The following SORL1 variants were observed in gnomAD, a reference collection of about 807,000 sequenced individuals.
SORL1 encodes sortilin related receptor 1.
Under a neutral mutation model 273.7 loss-of-function variants are expected in SORL1, and 127 were observed. The ratio of observed to expected loss-of-function variants is 0.46; its 90% CI spans 0.40 to 0.54. SORL1 has a LOEUF of 0.54. SORL1 is among the 20% of genes least tolerant of loss of function. SORL1 has a pLI of 0.00. For missense variants in SORL1, 2,494 were observed against 2,846.1 expected, an observed-to-expected ratio of 0.88 and a Z score of 2.81; for synonymous variants, 1,031 against 1,067.4, an observed-to-expected ratio of 0.97 and a Z score of 0.66.
At chr11:121,574,406 G>A (rs1225395061) in intron 24 of SORL1, 43 bp downstream of exon 24, 1 of 1,598,726 alleles carries the variant, frequency 6.3e-7, no homozygotes, top group Non-Finnish European at 8.6e-7. Flanking sequence ...TGGAGAGGGG[G>A]GTCATTGTGC....
chr11:121,540,769 T>G, intron 12 of SORL1, among the ~76,000 whole-genome samples: 1 of 152,232 alleles, frequency 6.6e-6, no homozygotes, highest in South Asian at 2.1e-4. Context: ...ATTTCATTAA[T>G]GAGTTATTGT....
At chr11:121,470,257 T>C (rs1861148169) in intron 2 of SORL1, 134 bp downstream of exon 2, 1 of 726,540 alleles carries the variant, frequency 1.4e-6, no homozygotes, top group Non-Finnish European at 2.5e-6. Flanking sequence ...ACAGGGAAGA[T>C]AATCTAGAAA....
chr11:121,489,260 C>A (rs192452137), intron 4 of SORL1, among the ~76,000 whole-genome samples: 104 of 152,228 alleles, frequency 6.8e-4, no homozygotes, highest in Non-Finnish European at 1.0e-3. Flanking sequence ...GCTGTTTTGA[C>A]CCTTTTAAGC....
intron 14 of SORL1, among the ~76,000 whole-genome samples, chr11:121,547,449 C>T (rs1398524105): frequency 3.9e-5 from 2 of 51,556 alleles, no homozygotes; most frequent in African/African-American, 1.8e-4. Context: ...AAAAAAATCA[C>T]ACACACAAGA....
intron 23 of SORL1, among the ~76,000 whole-genome samples, chr11:121,571,899 A>G (rs1197719778): frequency 6.6e-6 from 1 of 152,240 alleles, no homozygotes; most frequent in Non-Finnish European, 1.5e-5. Context: ...AAGGCCTATA[A>G]AGCCTCCTTT....
chr11:121,473,653 G>A (rs1373155207), intron 2 of SORL1, among the ~76,000 whole-genome samples: 1 of 152,294 alleles, frequency 6.6e-6, no homozygotes, highest in South Asian at 2.1e-4. Flanking sequence ...CTAGCACTTC[G>A]GAAGGCCGAG....
intron 5 of SORL1, among the ~76,000 whole-genome samples, chr11:121,492,915 G>A (rs777797178): frequency 1.3e-4 from 20 of 149,788 alleles, no homozygotes; most frequent in Admixed American, 2.7e-4. Context: ...GCAATTCTCT[G>A]CCTCAGCCTC....
intron 38 of SORL1, 108 bp downstream of exon 38, chr11:121,608,284 C>T: frequency 1.1e-6 from 1 of 917,596 alleles, no homozygotes; most frequent in Non-Finnish European, 1.7e-6. Context: ...AAAAACATCA[C>T]ACAACTTTCT....
intron 12 of SORL1, among the ~76,000 whole-genome samples, chr11:121,534,353 C>T (rs962575644): frequency 6.6e-6 from 1 of 152,178 alleles, no homozygotes; most frequent in Non-Finnish European, 1.5e-5. Flanking sequence ...GGGAACGCAG[C>T]GTCATTCTGC....
At chr11:121,607,324 A>G (rs749734496) in intron 37 of SORL1, 34 bp downstream of exon 37, 11 of 1,282,528 alleles carry the variant, frequency 8.6e-6, no homozygotes, top group African/African-American at 4.4e-5. Context: ...CCATCCATGC[A>G]GTCTTAGAAC....
At position 121,520,714 on chromosome 11, in the gene SORL1, C is replaced by A; in HGVS notation, c.1269C>A (p.Val423=). 1 of 1,608,160 alleles carries A rather than the reference C, an allele frequency of 6.2e-7. No homozygotes were observed. The highest frequency in any genetic ancestry group is 1.1e-5 in the South Asian group (1 of 89,654). ...ACCGAGTGGAAGGATTGCAAGGAGT[C>A]TACATTGCTACTCTGATTAATGGTT... ...DFHRVEGLQG[V]YIATLINGSM... Residue 423 remains valine (V), a synonymous_variant, in exon 9 of 48, where the codon GTC becomes GTA. Transcript: ENST00000260197.
intron 21 of SORL1, among the ~76,000 whole-genome samples, chr11:121,564,187 G>A (rs757903282): frequency 1.3e-5 from 2 of 152,178 alleles, no homozygotes; most frequent in Non-Finnish European, 2.9e-5. Context: ...TGTGGCTGTG[G>A]TAGAACTGCC....
chr11:121,591,023 G>T lies in SORL1; in HGVS notation c.4236G>T (p.Ser1412=), dbSNP rs769710239. 1 of 1,614,046 alleles carries T rather than the reference G, an allele frequency of 6.2e-7. No homozygotes were observed. Among genetic ancestry groups the T allele is most frequent in the Non-Finnish European group, 8.5e-7 (1 of 1,180,032 alleles). Residue 1412 remains serine, a synonymous_variant, in exon 31 of 48, where the codon TCG becomes TCT. Coordinates refer to ENST00000260197, the MANE Select transcript of SORL1 (RefSeq NM_003105.6). Reference sequence around the variant, plus strand: ...CAGATTCACATATTCTTCCCTTCTCGACTCCTGGGCCCTCCACGTGTCTGC... The same window carrying T: ...CAGATTCACATATTCTTCCCTTCTCTACTCCTGGGCCCTCCACGTGTCTGC... ...DCGDSHILPF[S]TPGPSTCLPN... is the part of the protein sequence containing the mutation.
chr11:121,557,428 A>C, intron 19 of SORL1, 23 bp downstream of exon 19: 1 of 1,553,090 alleles, frequency 6.4e-7, no homozygotes, highest in Non-Finnish European at 8.9e-7. Flanking sequence ...CCAAAAGGAA[A>C]TCAGTCTTGC....
intron 1 of SORL1, among the ~76,000 whole-genome samples, chr11:121,456,877 C>T (rs150022084): frequency 6.6e-6 from 1 of 152,312 alleles, no homozygotes; most frequent in East Asian, 1.9e-4. Context: ...GGTGGAATAC[C>T]GTTCAGCTTT....
chr11:121,598,415 T>C (rs1363774057), intron 32 of SORL1, among the ~76,000 whole-genome samples: 1 of 152,160 alleles, frequency 6.6e-6, no homozygotes, highest in African/African-American at 2.4e-5. Context: ...ATGTGGGGGT[T>C]ACTGAGGATG....
At chr11:121,606,823 C>A in intron 35 of SORL1, 22 bp from the exon 36 acceptor site, 1 of 1,577,582 alleles carries the variant, frequency 6.3e-7, no homozygotes, top group South Asian at 1.1e-5. Flanking sequence ...GGGTTTTAAC[C>A]TTGAGTTGAC....
rs1226479687 is a variant in SORL1 at position 121,550,726 on chromosome 11, AC to A, written c.2266+57del. 1 of 1,416,006 alleles carries A rather than the reference AC, an allele frequency of 7.1e-7. No individual in the cohort carries two copies. Among genetic ancestry groups the A allele is most frequent in the African/African-American group, 1.4e-5 (1 of 70,700 alleles). The allele number at this position is 1,416,006 out of a possible 1,614,324, so 87.7% of individuals were successfully genotyped here. A position where few individuals can be genotyped will look rare whatever the true frequency, so the allele number is the denominator to read the frequency against. ...CTTGAGACATGGTTGAAGCAGTATCACGATCTCACCCAAGTCCGGGCTTGTG... is the reference window on the plus strand; with the variant it reads ...CTTGAGACATGGTTGAAGCAGTATCAGATCTCACCCAAGTCCGGGCTTGTG... On this transcript the variant is annotated intron_variant, in intron 16 of 47. Transcript: ENST00000260197. The surrounding 1 kb of genome is among the most constrained non-coding windows in gnomAD (Gnocchi z 5.3).
chr11:121,552,950 C>G (rs935135483), intron 16 of SORL1, among the ~76,000 whole-genome samples: 30 of 152,218 alleles, frequency 2.0e-4, no homozygotes, highest in Non-Finnish European at 7.3e-5. Flanking sequence ...CTGGATGTTT[C>G]CCAAGCCGTT....
Sources: allele counts gnomAD v4.1 joint callset (sites outside exome capture counted in the v4.1 genomes callset), GRCh38; gene constraint gnomAD v4.1.1; non-coding constraint Gnocchi (gnomAD v3.1); transcripts MANE v1.5; gene names NCBI Gene and HGNC (gene_info 2026-07-23, HGNC 2026-07-21).